The following UTP25 variants were observed in gnomAD, a reference collection of about 807,000 sequenced individuals.
UTP25 encodes the protein U3 small nucleolar RNA-associated protein 25 homolog.
In UTP25, 50 loss-of-function variants were observed where a neutral mutation model predicts 78.9. The ratio of observed to expected loss-of-function variants is 0.63; its 90% CI spans 0.50 to 0.80. The LOEUF is 0.80. Ranked by LOEUF, UTP25 falls within the 30% of genes least tolerant of loss-of-function variation. The pLI is 0.00. For missense variants in UTP25, 846 were observed against 911.3 expected (o/e 0.93, Z 0.92); for synonymous variants, 329 against 336.5 (o/e 0.98, Z 0.24).
rs2078267235 is a variant in UTP25 at position 209,855,232 on chromosome 1, T to G, written c.*3785T>G. The G allele has an allele frequency of 6.6e-6, 1 of 152,356 alleles. No individual in the cohort carries two copies. The highest frequency in any genetic ancestry group is 1.5e-5 in the Non-Finnish European group (1 of 68,042). The allele number at this position is 152,356 out of a possible 1,614,324, so 9.4% of individuals were successfully genotyped here. A position where few individuals can be genotyped will look rare whatever the true frequency, so the allele number is the denominator to read the frequency against. On this transcript the variant is annotated 3_prime_UTR_variant, in exon 12 of 12. Coordinates refer to ENST00000491415, the MANE Select transcript of UTP25 (RefSeq NM_014388.7). ...CCAGAACTGCAGCAAAACTGCATTT[T>G]ATGTCCTGTGTCTAAAGCTAAACAC...
At chr1:209,850,967 ATTTAT>A (rs755246065) in intron 11 of UTP25, among the ~76,000 whole-genome samples, 39 of 152,274 alleles carry the variant, frequency 2.6e-4, no homozygotes, top group African/African-American at 7.5e-4. Context: ...AGAAATGTGT[ATTTAT>A]TTTATCATTT....
At position 209,853,212 on chromosome 1, in the gene UTP25, G is replaced by A. The variant is rs1035108925; in HGVS notation, c.*1765G>A. ...AAGCCGACCGAACCCATGCTACAAA[G>A]AACTTTTTGTATCTATAGGCATGCC... On this transcript the variant is annotated 3_prime_UTR_variant, in exon 12 of 12. Coordinates refer to ENST00000491415, the MANE Select transcript of UTP25 (RefSeq NM_014388.7). The A allele has an allele frequency of 6.6e-6, 1 of 152,136 alleles. No homozygotes were observed. The highest frequency in any genetic ancestry group is 1.5e-5 in the Non-Finnish European group (1 of 68,030). The allele number at this position is 152,136 out of a possible 1,614,324, so 9.4% of individuals were successfully genotyped here. A position where few individuals can be genotyped will look rare whatever the true frequency, so the allele number is the denominator to read the frequency against.
At chr1:209,845,100 G>C (rs1268389379) in intron 11 of UTP25, among the ~76,000 whole-genome samples, 1 of 152,176 alleles carries the variant, frequency 6.6e-6, no homozygotes, top group African/African-American at 2.4e-5. Flanking sequence ...CCCAGATAAC[G>C]TCCTTGTTCC....
chr1:209,830,684 G>A (rs1023671061), intron 2 of UTP25, 119 bp from the exon 3 acceptor site: 33 of 1,444,262 alleles, frequency 2.3e-5, no homozygotes, highest in Non-Finnish European at 2.9e-5. Flanking sequence ...AGCTAGATTA[G>A]CAATTTTAAG....
rs1291054603 is a variant in UTP25, at chr1:209,830,091, T to G, written c.108-17T>G. 2 of 1,611,306 alleles carry G rather than the reference T, an allele frequency of 1.2e-6. No homozygotes were observed. Among genetic ancestry groups the G allele is most frequent in the Admixed American group, 1.7e-5 (1 of 59,768 alleles). On this transcript the variant is annotated splice_polypyrimidine_tract_variant and intron_variant, in intron 1 of 11. Coordinates refer to ENST00000491415, the MANE Select transcript of UTP25 (RefSeq NM_014388.7). ...CATACTAGTAGTTAGAATGTAACAT[T>G]GCCTGTTTCTTTTTAGGGTTTCCAG... is the stretch of plus-strand genomic sequence containing the variant.
At chr1:209,839,610 G>A (rs1174478913) in intron 7 of UTP25, among the ~76,000 whole-genome samples, 1 of 152,100 alleles carries the variant, frequency 6.6e-6, no homozygotes, top group African/African-American at 2.4e-5. Context: ...TCACATTTTT[G>A]CTTGTCTCTC....
chr1:209,831,571 A>T (rs2078103514), intron 3 of UTP25, among the ~76,000 whole-genome samples: 1 of 152,196 alleles, frequency 6.6e-6, no homozygotes, highest in South Asian at 2.1e-4. Context: ...TAACTTCAAA[A>T]TCACCTTCAT....
In UTP25 at chr1:209,838,945, C is replaced by T. The variant is rs773243113; in HGVS notation, c.1099C>T (p.Arg367Trp). 3.1e-6 allele frequency: 5 copies of T among 1,613,942 alleles called. No individual in the cohort carries two copies. The highest frequency in any genetic ancestry group is 1.3e-5 in the African/African-American group (1 of 74,898). The change falls in exon 7 of 12, where the codon CGG becomes TGG. Residue 367 changes from arginine (R) to tryptophan (W), a missense_variant. Transcript: ENST00000491415. The part of the protein sequence containing the change: ...IVVPFREAAL[R>W]VVQLFISLLE... ...GGTGCCATTCCGGGAAGCTGCTTTG[C>T]GGGTGGTGCAGCTCTTCATCAGCCT...
At chr1:209,846,309 G>C (rs4556361) in intron 11 of UTP25, among the ~76,000 whole-genome samples, 22,846 of 152,178 alleles carry the variant, frequency 0.15, 1,816 homozygotes, top group South Asian at 0.21. Context: ...GATTAAACTA[G>C]CAGAATCTTA....
Position 209,838,909 on chromosome 1 carries a change from G to C in UTP25, c.1063G>C (p.Val355Leu). The stretch of plus-strand genomic sequence containing the variant: ...AAGGCTGCTGTTGCTGTCTGCACAG[G>C]TACTGATAGTGGTGCCATTCCGGGA... ...FRDQGLTRPK[V>L]LIVVPFREAA... is the part of the protein sequence containing the mutation. Residue 355 changes from valine (V) to leucine (L), a missense_variant and splice_region_variant, in exon 7 of 12, where the codon GTA becomes CTA. Transcript: ENST00000491415. 3.7e-6 allele frequency: 6 copies of C among 1,614,002 alleles called. No individual in the cohort carries two copies. The highest frequency in any genetic ancestry group is 4.2e-6 in the Non-Finnish European group (5 of 1,179,934).
chr1:209,837,288 G>T, intron 6 of UTP25, 77 bp downstream of exon 6: 2 of 1,480,932 alleles, frequency 1.4e-6, no homozygotes, highest in Non-Finnish European at 1.8e-6. Flanking sequence ...ACACTTAGCA[G>T]GAACTTGGGT....
At chr1:209,839,181 G>C in intron 7 of UTP25, 53 bp downstream of exon 7, 1 of 1,477,920 alleles carries the variant, frequency 6.8e-7, no homozygotes. Flanking sequence ...CTACATAGCT[G>C]GAGACCAGAA....
intron 11 of UTP25, among the ~76,000 whole-genome samples, chr1:209,848,987 C>T (rs1466631628): frequency 1.4e-5 from 2 of 147,414 alleles, no homozygotes; most frequent in African/African-American, 5.0e-5. Flanking sequence ...TGTAGGGTCT[C>T]GGGTGCTGGA....
intron 6 of UTP25, 114 bp downstream of exon 6, chr1:209,837,325 A>G (rs2102572670): frequency 8.3e-7 from 1 of 1,205,472 alleles, no homozygotes; most frequent in Non-Finnish European, 1.1e-6. Context: ...GGCATAATGA[A>G]TGAGCCCAAA....
At chr1:209,834,448 G>T (rs1219522535) in intron 4 of UTP25, among the ~76,000 whole-genome samples, 3 of 152,152 alleles carry the variant, frequency 2.0e-5, no homozygotes, top group Non-Finnish European at 4.4e-5. Flanking sequence ...TGGAGTATTG[G>T]TCATATCTGT....
In UTP25 at chr1:209,856,140, TCA is replaced by T. The variant is rs1024382970; in HGVS notation, c.*4694_*4695del. 1 of 152,252 alleles carries T rather than the reference TCA, an allele frequency of 6.6e-6. No homozygotes were observed. The highest frequency in any genetic ancestry group is 2.4e-5 in the African/African-American group (1 of 41,462). 9.4% of individuals were successfully genotyped at this position (152,252 alleles called of 1,614,324 possible). ...CTAAACAAGTCCTCACGACCACTTC[TCA>T]GTTTTCTCATCTTTATGAAGTATGG... On this transcript the variant is annotated 3_prime_UTR_variant, in exon 12 of 12. Coordinates refer to ENST00000491415, the MANE Select transcript of UTP25 (RefSeq NM_014388.7).
At chr1:209,842,930 C>A in intron 10 of UTP25, 1 of 511,686 alleles carries the variant, frequency 2.0e-6, no homozygotes, top group South Asian at 2.6e-5. Context: ...TAAATCAGGA[C>A]TCTTTCACTC....
At chr1:209,839,302 G>A (rs2078153055) in intron 7 of UTP25, among the ~76,000 whole-genome samples, 174 bp downstream of exon 7, 1 of 152,200 alleles carries the variant, frequency 6.6e-6, no homozygotes, top group African/African-American at 2.4e-5. Context: ...TGGCTAATGG[G>A]GTGGACATTA....
chr1:209,844,846 T>A (rs1036845782), intron 11 of UTP25, among the ~76,000 whole-genome samples: 3 of 152,192 alleles, frequency 2.0e-5, no homozygotes, highest in African/African-American at 7.2e-5. Flanking sequence ...TGTAAAAGGC[T>A]TTTTTTAACC....
Sources: gnomAD v4.1 joint callset for allele counts (sites outside exome capture counted in the v4.1 genomes callset) on GRCh38, gnomAD v4.1.1 for gene constraint, MANE v1.5 for transcripts, NCBI Gene and HGNC (gene_info 2026-07-23, HGNC 2026-07-21) for gene names.